The following PINX1 variants were observed in gnomAD, a reference collection of about 807,000 sequenced individuals.
PINX1 encodes the protein PIN2/TERF1-interacting telomerase inhibitor 1.
PINX1 carries 34 observed loss-of-function variants against 25.4 expected under a neutral mutation model. The ratio of observed to expected loss-of-function variants is 1.34; its 90% CI spans 1.02 to 1.78. The LOEUF (loss-of-function observed/expected upper bound fraction) is 1.78. Among genes scored for constraint, PINX1 ranks in the 40% most tolerant of loss-of-function variants. The pLI, the probability that PINX1 is intolerant of heterozygous loss-of-function variation, is 0.00. For synonymous variants in PINX1, 197 were observed against 147.7 expected, an observed-to-expected ratio of 1.33 and a Z score of -2.42; for missense variants, 592 against 404.9, an observed-to-expected ratio of 1.46 and a Z score of -3.97.
chr8:10,803,086 A>G (rs1802321256), intron 6 of PINX1, among the ~76,000 whole-genome samples: 1 of 152,210 alleles, frequency 6.6e-6, no homozygotes, highest in South Asian at 2.1e-4. Context: ...GATTAAAAAA[A>G]CTTTTTTATT....
At chr8:10,824,102 A>G (rs180702013) in intron 5 of PINX1, among the ~76,000 whole-genome samples, 1 of 152,356 alleles carries the variant, frequency 6.6e-6, no homozygotes, top group Admixed American at 6.5e-5. Context: ...AAGTTCCATG[A>G]AATGGGTCAT....
At chr8:10,835,306 T>C (rs1214697118) in intron 1 of PINX1, among the ~76,000 whole-genome samples, 1 of 152,206 alleles carries the variant, frequency 6.6e-6, no homozygotes, top group Non-Finnish European at 1.5e-5. Context: ...ATAGTACCAT[T>C]GTCACTGGCA....
At chr8:10,787,805 C>T (rs1801798220) in intron 6 of PINX1, 2 of 455,700 alleles carry the variant, frequency 4.4e-6, no homozygotes, top group Non-Finnish European at 8.8e-6. Flanking sequence ...ACAAGGAATC[C>T]AAGGTGACTT....
chr8:10,821,316 G>A (rs1275809660), intron 5 of PINX1, among the ~76,000 whole-genome samples: 2 of 152,174 alleles, frequency 1.3e-5, no homozygotes, highest in Non-Finnish European at 2.9e-5. Context: ...CAGTGACTCC[G>A]TGAAATTAAA....
At chr8:10,775,027 C>G (rs1378247852) in intron 6 of PINX1, among the ~76,000 whole-genome samples, 2 of 152,062 alleles carry the variant, frequency 1.3e-5, no homozygotes, top group Non-Finnish European at 2.9e-5. Flanking sequence ...TAAACAACAA[C>G]AAACCAACTA....
chr8:10,800,304 A>G (rs1802225770), intron 6 of PINX1, among the ~76,000 whole-genome samples: 2 of 152,344 alleles, frequency 1.3e-5, no homozygotes, highest in Middle Eastern at 3.4e-3. Flanking sequence ...GCTAAACGAC[A>G]CTGATGCAAT....
Position 10,783,208 on chromosome 8 carries a change from C to T in PINX1, c.472-17292G>A, listed in dbSNP as rs146422304. ...AACACTTATTAATAGTATGCAATTACTATAAATTTTTATAGAGTATAATGG... is the reference window on the plus strand; with the variant it reads ...AACACTTATTAATAGTATGCAATTATTATAAATTTTTATAGAGTATAATGG... On this transcript the variant is annotated intron_variant, in intron 6 of 6. Transcript: ENST00000314787. Among the ~76,000 whole-genome samples the T allele has an allele frequency of 1.1e-4, 16 of 152,226 alleles. No individual in the cohort carries two copies. In the East Asian group the frequency reaches 3.1e-3, roughly 29 times the overall value.
intron 6 of PINX1, among the ~76,000 whole-genome samples, chr8:10,787,254 G>A (rs1015808871): frequency 2.6e-5 from 4 of 151,962 alleles, no homozygotes; most frequent in Non-Finnish European, 5.9e-5. Context: ...AAGAGACAGA[G>A]TCTTGCTTTA....
intron 6 of PINX1, among the ~76,000 whole-genome samples, chr8:10,788,637 A>T (rs1388917460): frequency 6.6e-6 from 1 of 152,186 alleles, no homozygotes; most frequent in Non-Finnish European, 1.5e-5. Context: ...CCTGGAGTAC[A>T]GTAAGTAACC....
In PINX1 at chr8:10,765,447, A is replaced by C; in HGVS notation, c.941T>G (p.Leu314Arg). The C allele has an allele frequency of 6.2e-7, 1 of 1,611,486 alleles. No individual in the cohort carries two copies. The change falls in exon 7 of 7, where the codon CTA becomes CGA. Residue 314 changes from leucine to arginine, a missense_variant. Transcript: ENST00000314787. ...CTTCTTTTTCACTAGCGTTTCTTCT[A>C]GTGTAGCGTCCTCTGCTATCTCTAC... ...KPVEIAEDATLEETLVKKKKK... is the reference protein window; with the variant it reads ...KPVEIAEDATREETLVKKKKK...
intron 1 of PINX1, among the ~76,000 whole-genome samples, chr8:10,837,611 G>C (rs1346500230): frequency 6.6e-6 from 1 of 152,144 alleles, no homozygotes; most frequent in African/African-American, 2.4e-5. Context: ...ATCACTATTT[G>C]GGAAGTATTT....
chr8:10,837,750 C>T (rs1403826640), intron 1 of PINX1, among the ~76,000 whole-genome samples: 4 of 152,176 alleles, frequency 2.6e-5, no homozygotes, highest in Non-Finnish European at 4.4e-5. Context: ...ATGCTAGGAT[C>T]CCATTTACTC....
chr8:10,780,711 G>A (rs141845557), intron 6 of PINX1, among the ~76,000 whole-genome samples: 7 of 151,926 alleles, frequency 4.6e-5, no homozygotes, highest in African/African-American at 1.4e-4. Context: ...AACGAAAAAG[G>A]ACACAGATAG....
At chr8:10,813,423 A>C (rs915710373) in intron 6 of PINX1, among the ~76,000 whole-genome samples, 1 of 152,342 alleles carries the variant, frequency 6.6e-6, no homozygotes, top group East Asian at 1.9e-4. Context: ...GAGGAACTTA[A>C]GGCATTGAAT....
intron 6 of PINX1, among the ~76,000 whole-genome samples, chr8:10,785,115 G>C (rs1464191850): frequency 1.3e-5 from 2 of 152,224 alleles, no homozygotes; most frequent in Non-Finnish European, 2.9e-5. Context: ...TTTTAAGCTA[G>C]TTCAAGATTG....
chr8:10,765,529 G>T lies in PINX1; in HGVS notation c.859C>A (p.Arg287=). 7 of 1,613,454 alleles carry T rather than the reference G, an allele frequency of 4.3e-6. No individual in the cohort carries two copies. Among genetic ancestry groups the T allele is most frequent in the Non-Finnish European group, 5.9e-6 (7 of 1,179,856 alleles). The change falls in exon 7 of 7, where the codon CGG becomes AGG. Residue 287 remains arginine, a synonymous_variant. Transcript: ENST00000314787. ...AGDHVQPPEG[R]DFTLKPKKRR... Reference sequence around the variant, plus strand: ...TTTTTGGGCTTCAGGGTGAAGTCCCGGCCCTCAGGCGGCTGCACATGGTCC... The same window carrying T: ...TTTTTGGGCTTCAGGGTGAAGTCCCTGCCCTCAGGCGGCTGCACATGGTCC...
intron 6 of PINX1, among the ~76,000 whole-genome samples, chr8:10,788,390 T>C (rs530181589): frequency 2.1e-3 from 319 of 152,110 alleles, no homozygotes; most frequent in African/African-American, 6.7e-3. Context: ...TGGTGAAACT[T>C]TGTCTCTATT....
At chr8:10,797,364 G>C (rs1390713036) in intron 6 of PINX1, among the ~76,000 whole-genome samples, 2 of 152,208 alleles carry the variant, frequency 1.3e-5, no homozygotes, top group Non-Finnish European at 2.9e-5. Flanking sequence ...GACAGAAAGG[G>C]TGTGCTGGAA....
Position 10,802,523 on chromosome 8 carries a change from C to T in PINX1, c.471+17670G>A, listed in dbSNP as rs202200017. On this transcript the variant is annotated intron_variant, in intron 6 of 6. Coordinates refer to ENST00000314787, the MANE Select transcript of PINX1 (RefSeq NM_017884.6). ...TTTTGGGCTTGCTCCCATTCTGAAA[C>T]TCCTATCTCTTTGCCAGAATCCAGT... Among the ~76,000 whole-genome samples the T allele has an allele frequency of 4.6e-5, 7 of 152,318 alleles. No homozygotes were observed. In the East Asian group the frequency reaches 9.6e-4, roughly 21 times the overall value.
Sources: allele counts gnomAD v4.1 joint callset (sites outside exome capture counted in the v4.1 genomes callset), GRCh38; gene constraint gnomAD v4.1.1; transcripts MANE v1.5; gene names NCBI Gene and HGNC (gene_info 2026-07-23, HGNC 2026-07-21).